Variants in SPAG16 observed in about 807,000 individuals in gnomAD.
SPAG16 encodes the protein sperm associated antigen 16, also known as sperm-associated antigen 16 protein.
SPAG16 carries 86 observed loss-of-function variants against 80.4 expected under a neutral mutation model. The ratio of observed to expected loss-of-function variants is 1.07; its 90% CI spans 0.90 to 1.28. The LOEUF is 1.28. Among genes scored for constraint, SPAG16 ranks in the 50% most tolerant of loss-of-function variants. The pLI is 0.00. For missense variants in SPAG16, 870 were observed against 765.3 expected (o/e 1.14, Z -1.61); for synonymous variants, 294 against 265.9 (o/e 1.11, Z -1.03).
At chr2:214,233,572 G>C (rs1688858714) in intron 15 of SPAG16, among the ~76,000 whole-genome samples, 1 of 152,160 alleles carries the variant, frequency 6.6e-6, no homozygotes, top group African/African-American at 2.4e-5. Flanking sequence ...GAACTAAAAA[G>C]TTGGGTCTAG....
At chr2:213,502,288 A>G (rs1442242096) in intron 10 of SPAG16, among the ~76,000 whole-genome samples, 1 of 151,842 alleles carries the variant, frequency 6.6e-6, no homozygotes, top group Non-Finnish European at 1.5e-5. Flanking sequence ...AGCTATTTAA[A>G]AAATTTTTTT....
At chr2:214,256,070 T>C (rs972067189) in intron 15 of SPAG16, among the ~76,000 whole-genome samples, 3 of 151,954 alleles carry the variant, frequency 2.0e-5, no homozygotes, top group Non-Finnish European at 2.9e-5. Flanking sequence ...TTCCCACTAG[T>C]AATTTGTAGA....
chr2:214,395,040 A>C lies in SPAG16; in HGVS notation c.1721-15100A>C, dbSNP rs62198249. 5.0e-3 allele frequency among the ~76,000 whole-genome samples: 753 copies of C among 152,002 alleles called. 2 individuals are homozygous for C. Among genetic ancestry groups the C allele is most frequent in the Non-Finnish European group, 8.7e-3 (593 of 67,850 alleles). ...CCTCCATGCCTTTTCATGGCTTGTT[A>C]GCTCATTTCTTTTTATCACTGAAGA... On this transcript the variant is annotated intron_variant, in intron 15 of 15. Coordinates refer to ENST00000331683, the MANE Select transcript of SPAG16 (RefSeq NM_024532.5).
chr2:213,861,272 T>C, intron 10 of SPAG16, among the ~76,000 whole-genome samples: 1 of 152,196 alleles, frequency 6.6e-6, no homozygotes, highest in Non-Finnish European at 1.5e-5. Context: ...TTTCAGTTGA[T>C]AATTTTAGAG....
At chr2:213,324,958 T>TAA (rs1259264431) in intron 5 of SPAG16, among the ~76,000 whole-genome samples, 1 of 152,144 alleles carries the variant, frequency 6.6e-6, no homozygotes, top group African/African-American at 2.4e-5. Flanking sequence ...TGGCATCTTG[T>TAA]ATTTTTGATA....
At chr2:214,073,536 G>C (rs2125234176) in intron 13 of SPAG16, among the ~76,000 whole-genome samples, 1 of 152,066 alleles carries the variant, frequency 6.6e-6, no homozygotes, top group Non-Finnish European at 1.5e-5. Flanking sequence ...CGCCCGGCCG[G>C]ATATTTTAAA....
At chr2:214,329,980 G>A (rs1223534031) in intron 15 of SPAG16, among the ~76,000 whole-genome samples, 25 of 151,914 alleles carry the variant, frequency 1.6e-4, no homozygotes, top group Admixed American at 1.6e-3. Flanking sequence ...AAAATGAAAA[G>A]TTTAGGCTGG....
chr2:214,385,774 G>A (rs1430832771), intron 15 of SPAG16, among the ~76,000 whole-genome samples: 1 of 151,992 alleles, frequency 6.6e-6, no homozygotes, highest in African/African-American at 2.4e-5. Flanking sequence ...AACCTGAGAG[G>A]TGGAGGTTGC....
At chr2:213,486,610 T>C (rs376160508) in intron 9 of SPAG16, among the ~76,000 whole-genome samples, 57 of 152,224 alleles carry the variant, frequency 3.7e-4, no homozygotes, top group African/African-American at 1.4e-3. Flanking sequence ...TAAGACTATA[T>C]TTAATTCCAA....
intron 10 of SPAG16, among the ~76,000 whole-genome samples, chr2:213,579,436 TG>T (rs1365451823): frequency 6.6e-6 from 1 of 152,172 alleles, no homozygotes; most frequent in African/African-American, 2.4e-5. Context: ...ACTTTGATAT[TG>T]GTCTTATTAA....
chr2:213,488,205 G>T (rs1827525), intron 9 of SPAG16, among the ~76,000 whole-genome samples: 1,986 of 152,128 alleles, frequency 0.013, 22 homozygotes, highest in South Asian at 0.038. Flanking sequence ...ATTATTCAAA[G>T]GAAATAACTA....
At chr2:214,399,823 C>T (rs1316044704) in intron 15 of SPAG16, among the ~76,000 whole-genome samples, 3 of 152,144 alleles carry the variant, frequency 2.0e-5, no homozygotes, top group South Asian at 4.1e-4. Context: ...TTATCGAATC[C>T]TCAGAACTGA....
chr2:213,616,565 C>T (rs1207306887), intron 10 of SPAG16, among the ~76,000 whole-genome samples: 1 of 152,162 alleles, frequency 6.6e-6, no homozygotes, highest in Non-Finnish European at 1.5e-5. Flanking sequence ...GAAAGTCTAG[C>T]TTACTTTTTC....
intron 9 of SPAG16, among the ~76,000 whole-genome samples, chr2:213,479,454 CTTTT>C (rs1263944490): frequency 6.6e-6 from 1 of 151,670 alleles, no homozygotes; most frequent in East Asian, 1.9e-4. Flanking sequence ...GGATTGAGAT[CTTTT>C]TGTTTGTGTG....
In SPAG16 at chr2:213,672,616, A is replaced by G. The variant is rs73988586; in HGVS notation, c.1070+182526A>G. Among the ~76,000 whole-genome samples the G allele has an allele frequency of 7.8e-3, 1,192 of 151,988 alleles. 23 individuals are homozygous for G. Among genetic ancestry groups the G allele is most frequent in the African/African-American group, 0.027 (1,105 of 41,470 alleles). ...TTTGCTTTTCTATTTTATTGAGTCT[A>G]TTGTCATGTCATATATTTTTGCATC... On this transcript the variant is annotated intron_variant, in intron 10 of 15. Transcript: ENST00000331683.
intron 15 of SPAG16, among the ~76,000 whole-genome samples, chr2:214,293,748 A>C (rs1224074607): frequency 1.3e-5 from 2 of 152,128 alleles, no homozygotes; most frequent in African/African-American, 4.8e-5. Flanking sequence ...GGGACATGTG[A>C]AAGTTCCTGG....
At chr2:213,395,685 A>G (rs1351952509) in intron 9 of SPAG16, among the ~76,000 whole-genome samples, 1 of 152,120 alleles carries the variant, frequency 6.6e-6, no homozygotes, top group African/African-American at 2.4e-5. Flanking sequence ...ATCTCTGATC[A>G]TTTTACCTCC....
chr2:214,209,708 C>T (rs984308097), intron 15 of SPAG16, among the ~76,000 whole-genome samples: 2 of 152,126 alleles, frequency 1.3e-5, no homozygotes, highest in African/African-American at 2.4e-5. Context: ...GGTACTGAGG[C>T]TCATAGCAAT....
intron 10 of SPAG16, among the ~76,000 whole-genome samples, chr2:213,532,519 T>C (rs1052775803): frequency 2.0e-5 from 3 of 151,042 alleles, no homozygotes; most frequent in African/African-American, 7.4e-5. Context: ...TAGAGTTAAG[T>C]GTTGCCATCT....
Sources: allele counts gnomAD v4.1 joint callset (sites outside exome capture counted in the v4.1 genomes callset), GRCh38; gene constraint gnomAD v4.1.1; transcripts MANE v1.5; gene names NCBI Gene and HGNC (gene_info 2026-07-23, HGNC 2026-07-21).